BCAS1: variants seen among roughly 807,000 people sequenced by gnomAD.
The protein encoded by BCAS1 is brain enriched myelin associated protein 1.
BCAS1 carries 46 observed loss-of-function variants against 65.4 expected under a neutral mutation model. That is an observed-to-expected ratio of 0.70 (90% CI 0.55 to 0.90). The LOEUF (loss-of-function observed/expected upper bound fraction) is 0.90. Among genes scored for constraint, BCAS1 ranks in the 40% least tolerant of loss-of-function variants. The pLI is 0.00. For missense variants in BCAS1, 793 were observed against 771.2 expected (o/e 1.03, Z -0.33); for synonymous variants, 298 against 293.5 (o/e 1.02, Z -0.16).
chr20:54,065,251 A>C (rs2092425348), intron 1 of BCAS1, among the ~76,000 whole-genome samples: 1 of 151,046 alleles, frequency 6.6e-6, no homozygotes, highest in Non-Finnish European at 1.5e-5. Flanking sequence ...CCAATTTTCC[A>C]GGACTATATA....
intron 3 of BCAS1, among the ~76,000 whole-genome samples, chr20:54,046,585 T>C (rs1427183631): frequency 2.0e-5 from 3 of 147,486 alleles, no homozygotes; most frequent in African/African-American, 5.0e-5. Flanking sequence ...GGCTCATACC[T>C]GTAATTCTAG....
intron 12 of BCAS1, among the ~76,000 whole-genome samples, chr20:53,947,429 C>T (rs935178588): frequency 2.6e-5 from 4 of 152,142 alleles, no homozygotes; most frequent in African/African-American, 9.7e-5. Flanking sequence ...CCGTGAAATA[C>T]CAAAAGCTTG....
chr20:54,012,182 A>G (rs1457341367), intron 4 of BCAS1, among the ~76,000 whole-genome samples: 1 of 152,242 alleles, frequency 6.6e-6, no homozygotes, highest in East Asian at 1.9e-4. Flanking sequence ...TTTAGATAGC[A>G]TTCTTGAAAT....
chr20:53,953,287 G>A (rs2089587237), intron 12 of BCAS1, 145 bp downstream of exon 12: 1 of 1,019,022 alleles, frequency 9.8e-7, no homozygotes, highest in Non-Finnish European at 1.4e-6. Flanking sequence ...CCTGCTGGAA[G>A]TCACATAGCA....
Position 53,996,010 on chromosome 20 carries a change from C to T in BCAS1, c.764G>A (p.Gly255Glu), listed in dbSNP as rs6022903. Residue 255 changes from glycine (G) to glutamate (E), a missense_variant, in exon 5 of 13, where the codon GGA becomes GAA. Physicochemically the swap from Gly to Glu is moderately conservative, Grantham distance 98. Transcript: ENST00000688948. ...CCCAGGGACAGAGCAATCCGCAGTTCCAAGTTCTTGTCCTTCTTTTTCCTT... is the reference window on the plus strand; with the variant it reads ...CCCAGGGACAGAGCAATCCGCAGTTTCAAGTTCTTGTCCTTCTTTTTCCTT... ...DGKEKEGQEL[G>E]TADCSVPGDP... The T allele has an allele frequency of 0.057, 91,519 of 1,609,932 alleles. 6,358 individuals are homozygous for T. Among genetic ancestry groups the T allele is most frequent in the African/African-American group, 0.35 (26,258 of 74,704 alleles).
At chr20:54,044,287 C>A (rs974586300) in intron 3 of BCAS1, among the ~76,000 whole-genome samples, 3 of 152,130 alleles carry the variant, frequency 2.0e-5, no homozygotes, top group African/African-American at 7.2e-5. Context: ...TCCTCCAAGA[C>A]AGAGATGAGT....
chr20:54,065,378 C>T (rs1399488180), intron 1 of BCAS1, among the ~76,000 whole-genome samples: 1 of 152,188 alleles, frequency 6.6e-6, no homozygotes, highest in Non-Finnish European at 1.5e-5. Flanking sequence ...ATAAGTGGAG[C>T]ACAGCGTTTC....
intron 4 of BCAS1, among the ~76,000 whole-genome samples, chr20:54,013,351 G>A (rs1474340550): frequency 6.6e-6 from 1 of 152,180 alleles, no homozygotes; most frequent in Non-Finnish European, 1.5e-5. Context: ...ATTTTGGATT[G>A]AGAAGGCTTT....
At chr20:54,013,895 G>A (rs1433908980) in intron 4 of BCAS1, among the ~76,000 whole-genome samples, 1 of 152,204 alleles carries the variant, frequency 6.6e-6, no homozygotes, top group Non-Finnish European at 1.5e-5. Flanking sequence ...TCTTATATAT[G>A]CTCAAAGGAA....
chr20:54,008,855 G>T (rs1419246243), intron 4 of BCAS1, among the ~76,000 whole-genome samples: 1 of 151,900 alleles, frequency 6.6e-6, no homozygotes, highest in East Asian at 1.9e-4. Context: ...ACCCAGGCTG[G>T]AGTGTAATGG....
intron 1 of BCAS1, among the ~76,000 whole-genome samples, chr20:54,064,093 T>C (rs2092407947): frequency 6.6e-6 from 1 of 152,140 alleles, no homozygotes; most frequent in Non-Finnish European, 1.5e-5. Flanking sequence ...CCCCTTCACT[T>C]CCCCGCCTCC....
chr20:54,053,638 A>G (rs112813039), intron 3 of BCAS1, among the ~76,000 whole-genome samples: 9 of 152,380 alleles, frequency 5.9e-5, no homozygotes, highest in African/African-American at 2.2e-4. Flanking sequence ...TTATGTGTTT[A>G]CCACATGCCA....
chr20:54,029,081 T>C, intron 3 of BCAS1, 109 bp from the exon 4 acceptor site: 1 of 1,452,576 alleles, frequency 6.9e-7, no homozygotes, highest in South Asian at 1.5e-5. Flanking sequence ...ATACTGGAAC[T>C]GTGTTGTTCT....
chr20:54,058,186 A>G (rs1316796613), intron 2 of BCAS1, 32 bp from the exon 3 acceptor site: 1 of 1,597,910 alleles, frequency 6.3e-7, no homozygotes, highest in Non-Finnish European at 8.6e-7. Flanking sequence ...TGTGAGACAA[A>G]TCTTCGGGGG....
At chr20:53,952,984 C>A (rs1225750929) in intron 12 of BCAS1, among the ~76,000 whole-genome samples, 4 of 146,944 alleles carry the variant, frequency 2.7e-5, no homozygotes, top group Non-Finnish European at 6.1e-5. Context: ...ATAAAATCAG[C>A]CAATAATGCA....
In BCAS1 at chr20:53,992,632, T is replaced by G; in HGVS notation, c.942A>C (p.Glu314Asp). ...GACCAGCTTGTCCATCACAGACACT[T>G]TCTGCTTTCGATGCCTTTGGGGCAA... ...KDPEDTASKA[E>D]SVCDGQAGQK... Residue 314 changes from glutamate to aspartate, a missense_variant, in exon 7 of 13, where the codon GAA (glutamate) becomes GAC (aspartate). Transcript: ENST00000688948. 1 of 1,365,994 alleles carries G rather than the reference T, an allele frequency of 7.3e-7. No individual in the cohort carries two copies. Among genetic ancestry groups the G allele is most frequent in the East Asian group, 4.5e-5 (1 of 21,994 alleles). 84.6% of individuals were successfully genotyped at this position (1,365,994 alleles called of 1,614,324 possible).
intron 10 of BCAS1, among the ~76,000 whole-genome samples, chr20:53,958,464 G>A (rs2089772386): frequency 6.6e-6 from 1 of 152,194 alleles, no homozygotes; most frequent in Non-Finnish European, 1.5e-5. Context: ...GGGCAAAGAG[G>A]AAGACTCCAG....
chr20:54,065,153 T>TATCC (rs960467074), intron 1 of BCAS1, among the ~76,000 whole-genome samples: 13 of 137,880 alleles, frequency 9.4e-5, no homozygotes, highest in Non-Finnish European at 1.8e-4. Context: ...TCTATCTATC[T>TATCC]ATCTATCTAT....
intron 4 of BCAS1, among the ~76,000 whole-genome samples, chr20:54,024,077 A>C (rs1160425083): frequency 1.3e-5 from 2 of 152,220 alleles, no homozygotes; most frequent in Non-Finnish European, 2.9e-5. Flanking sequence ...ACAATGTGAG[A>C]ATGTGCTAGA....
Sources: allele counts gnomAD v4.1 joint callset (sites outside exome capture counted in the v4.1 genomes callset), GRCh38; gene constraint gnomAD v4.1.1; transcripts MANE v1.5; gene names NCBI Gene and HGNC (gene_info 2026-07-23, HGNC 2026-07-21).